The following LYRM4 variants were observed in gnomAD, a reference collection of about 807,000 sequenced individuals.
LYRM4 encodes LYR motif-containing protein 4.
Under a neutral mutation model 11.7 loss-of-function variants are expected in LYRM4, and 9 were observed. The ratio of observed to expected loss-of-function variants is 0.77; its 90% CI spans 0.46 to 1.34. LYRM4 has a LOEUF of 1.34. Among genes scored for constraint, LYRM4 ranks in the 40% most tolerant of loss-of-function variants. LYRM4 has a pLI of 0.00. For missense variants in LYRM4, 133 were observed against 112.5 expected, an observed-to-expected ratio of 1.18 and a Z score of -0.82; for synonymous variants, 42 against 40.4, an observed-to-expected ratio of 1.04 and a Z score of -0.15.
intron 2 of LYRM4, among the ~76,000 whole-genome samples, chr6:5,168,939 G>A (rs1390181389): frequency 2.0e-5 from 3 of 152,162 alleles, no homozygotes; most frequent in Non-Finnish European, 2.9e-5. Flanking sequence ...GTGTGTGAAT[G>A]AGCAAGACCT....
the LYRM4 span, among the ~76,000 whole-genome samples, chr6:5,071,490 A>C: frequency 6.6e-6 from 1 of 152,008 alleles, no homozygotes; most frequent in Non-Finnish European, 1.5e-5. Context: ...TTGGACATCA[A>C]ATTTAAGGGA....
chr6:5,178,727 C>G (rs1759870692), intron 2 of LYRM4, among the ~76,000 whole-genome samples: 2 of 142,862 alleles, frequency 1.4e-5, no homozygotes, highest in African/African-American at 5.2e-5. Context: ...ATCGCTTGAA[C>G]CCGGGAGGCG....
intron 2 of LYRM4, 28 bp from the exon 3 acceptor site, chr6:5,109,519 G>C: frequency 6.2e-7 from 1 of 1,605,684 alleles, no homozygotes. Flanking sequence ...ACACAGGTCA[G>C]GAACCGTGGC....
At chr6:5,078,606 T>C in the LYRM4 span, among the ~76,000 whole-genome samples, 1 of 152,220 alleles carries the variant, frequency 6.6e-6, no homozygotes, top group African/African-American at 2.4e-5. Context: ...CTTTATATTC[T>C]GAGCCCTTAA....
chr6:5,148,519 G>GGGGCAGAGTCAGAACTC (rs1349462777), intron 2 of LYRM4, among the ~76,000 whole-genome samples: 4 of 43,002 alleles, frequency 9.3e-5, no homozygotes, highest in African/African-American at 1.3e-4. Flanking sequence ...GCTGGGCTGG[G>GGGGCAGAGTCAGAACTC]TATACGCCTT....
chr6:5,060,307 C>T, the LYRM4 span, among the ~76,000 whole-genome samples: 2 of 151,876 alleles, frequency 1.3e-5, no homozygotes, highest in Non-Finnish European at 2.9e-5. Context: ...TGTTGATTGT[C>T]TTTTGGATTT....
At chr6:5,168,120 A>G (rs1023931178) in intron 2 of LYRM4, among the ~76,000 whole-genome samples, 1 of 147,822 alleles carries the variant, frequency 6.8e-6, no homozygotes, top group Admixed American at 6.6e-5. Flanking sequence ...AAAAAAAAAA[A>G]ACAAAAAACA....
At chr6:5,249,851 A>G (rs1764352913) in intron 1 of LYRM4, among the ~76,000 whole-genome samples, 1 of 152,198 alleles carries the variant, frequency 6.6e-6, no homozygotes, top group Non-Finnish European at 1.5e-5. Flanking sequence ...ATGAGGTGGG[A>G]TTCAGTGTGA....
chr6:5,125,180 T>C (rs1448271097), intron 2 of LYRM4, among the ~76,000 whole-genome samples: 1 of 152,118 alleles, frequency 6.6e-6, no homozygotes, highest in African/African-American at 2.4e-5. Context: ...GCTGAAGTCA[T>C]CCCTCTAGAG....
At chr6:5,161,220 G>A (rs116508512) in intron 2 of LYRM4, among the ~76,000 whole-genome samples, 1 of 152,230 alleles carries the variant, frequency 6.6e-6, no homozygotes, top group South Asian at 2.1e-4. Context: ...ACTATGTTAA[G>A]AATTAGAACC....
At chr6:5,091,662 G>A in the LYRM4 span, among the ~76,000 whole-genome samples, 1 of 152,206 alleles carries the variant, frequency 6.6e-6, no homozygotes, top group South Asian at 2.1e-4. Flanking sequence ...AAGATCAAGG[G>A]CTTCCTTTTA....
At chr6:5,225,323 T>C (rs977186586) in intron 1 of LYRM4, among the ~76,000 whole-genome samples, 6 of 151,780 alleles carry the variant, frequency 4.0e-5, no homozygotes, top group Non-Finnish European at 7.4e-5. Flanking sequence ...TGGAAAATCA[T>C]TCGCCCTCTC....
At chr6:5,174,940 C>T (rs1030418821) in intron 2 of LYRM4, among the ~76,000 whole-genome samples, 1 of 152,216 alleles carries the variant, frequency 6.6e-6, no homozygotes, top group Non-Finnish European at 1.5e-5. Flanking sequence ...TCAGCTTAGA[C>T]ACATCACACA....
chr6:5,187,906 ACT>A (rs1364449363), intron 2 of LYRM4, among the ~76,000 whole-genome samples: 1 of 152,094 alleles, frequency 6.6e-6, no homozygotes, highest in African/African-American at 2.4e-5. Flanking sequence ...AAGGGTACAC[ACT>A]CACACAATCT....
chr6:5,104,277 GTTA>G (rs1762595024), downstream of LYRM4: 1 of 151,132 alleles, frequency 6.6e-6, no homozygotes, highest in Admixed American at 6.6e-5. Flanking sequence ...TTTTATCCCA[GTTA>G]TTTTTTTTTT....
chr6:5,257,099 A>G (rs939509367), intron 1 of LYRM4, among the ~76,000 whole-genome samples: 1 of 152,032 alleles, frequency 6.6e-6, no homozygotes, highest in Non-Finnish European at 1.5e-5. Flanking sequence ...CATCTTCTAC[A>G]CTGCTGCCAG....
intron 2 of LYRM4, among the ~76,000 whole-genome samples, chr6:5,186,248 G>A (rs1306675813): frequency 6.6e-6 from 1 of 152,194 alleles, no homozygotes; most frequent in African/African-American, 2.4e-5. Flanking sequence ...GAGATGCTAT[G>A]TGGAGAGGAA....
chr6:5,160,662 C>G (rs372757946), intron 2 of LYRM4, among the ~76,000 whole-genome samples: 1 of 145,224 alleles, frequency 6.9e-6, no homozygotes, highest in African/African-American at 2.6e-5. Flanking sequence ...ACCCCCCCCC[C>G]AGCAATGTGG....
chr6:5,197,282 G>A (rs1024942254), intron 2 of LYRM4, among the ~76,000 whole-genome samples: 3 of 152,132 alleles, frequency 2.0e-5, no homozygotes, highest in African/African-American at 4.8e-5. Flanking sequence ...TTGGTTGAAG[G>A]GGGGGGCCAA....
Sources: gnomAD v4.1 joint callset for allele counts (sites outside exome capture counted in the v4.1 genomes callset) on GRCh38, gnomAD v4.1.1 for gene constraint, MANE v1.5 for transcripts, NCBI Gene and HGNC (gene_info 2026-07-23, HGNC 2026-07-21) for gene names.